The following UVRAG variants were observed in gnomAD, a reference collection of about 807,000 sequenced individuals.
The protein encoded by UVRAG is UV radiation resistance-associated gene protein.
In UVRAG, 19 loss-of-function variants were observed where a neutral mutation model predicts 78.0. The ratio of observed to expected loss-of-function variants is 0.24; its 90% CI spans 0.17 to 0.36. The LOEUF (loss-of-function observed/expected upper bound fraction) is 0.36. Ranked by LOEUF, UVRAG falls within the 10% of genes least tolerant of loss-of-function variation. UVRAG has a pLI of 1.00. For synonymous variants in UVRAG, 323 were observed against 324.6 expected, an observed-to-expected ratio of 1.00 and a Z score of 0.05; for missense variants, 740 against 853.8, an observed-to-expected ratio of 0.87 and a Z score of 1.66.
rs149316324 is a variant in UVRAG at position 75,864,614 on chromosome 11, C to T, written c.270+2834C>T. Among the ~76,000 whole-genome samples the T allele has an allele frequency of 4.8e-3, 735 of 152,304 alleles. 4 individuals carry two copies. The highest frequency in any genetic ancestry group is 0.016 in the African/African-American group (670 of 41,554). On this transcript the variant is annotated intron_variant, in intron 3 of 14. Transcript: ENST00000356136. ...TTGTGATATTTGCTGAATAGTTAGTCGTTTAAATGCTTTTGTATTTATTTG... is the reference window on the plus strand; with the variant it reads ...TTGTGATATTTGCTGAATAGTTAGTTGTTTAAATGCTTTTGTATTTATTTG...
chr11:75,847,285 G>A (rs1162809582), intron 1 of UVRAG, among the ~76,000 whole-genome samples: 3 of 151,560 alleles, frequency 2.0e-5, no homozygotes, highest in African/African-American at 7.3e-5. Context: ...GTGCCACCAC[G>A]CCTGGCTAAC....
chr11:75,953,247 C>G (rs1401130022), intron 6 of UVRAG, among the ~76,000 whole-genome samples: 3 of 152,172 alleles, frequency 2.0e-5, no homozygotes, highest in African/African-American at 7.2e-5. Flanking sequence ...TAACCTCACA[C>G]TAACCTTCCT....
intron 5 of UVRAG, among the ~76,000 whole-genome samples, chr11:75,900,150 T>C (rs1947458058): frequency 6.6e-6 from 1 of 152,210 alleles, no homozygotes; most frequent in Non-Finnish European, 1.5e-5. Context: ...AGTATGGTTC[T>C]TTATATAGAT....
intron 12 of UVRAG, among the ~76,000 whole-genome samples, chr11:76,053,378 T>G (rs1474499746): frequency 4.0e-5 from 6 of 150,052 alleles, no homozygotes; most frequent in African/African-American, 1.3e-4. Flanking sequence ...CTCCCGTGTT[T>G]CCCATCACAA....
chr11:76,141,076 C>A lies in UVRAG; in HGVS notation c.1763C>A (p.Ala588Asp). The stretch of plus-strand genomic sequence containing the variant: ...CACCCTAGCCAAGAACAAGGAGAAG[C>A]CCTCTCCGGGCACCGGGCCACAGTC... ...NVHPSQEQGEALSGHRATVNG... is the reference protein window; with the variant it reads ...NVHPSQEQGEDLSGHRATVNG... The change falls in exon 15 of 15, where the codon GCC (alanine) becomes GAC (aspartate). Residue 588 changes from alanine to aspartate, a missense_variant. Physicochemically the swap from Ala to Asp is moderately radical, Grantham distance 126. Coordinates refer to ENST00000356136, the MANE Select transcript of UVRAG (RefSeq NM_003369.4). The A allele has an allele frequency of 6.2e-7, 1 of 1,614,188 alleles. No individual in the cohort carries two copies. Among genetic ancestry groups the A allele is most frequent in the Non-Finnish European group, 8.5e-7 (1 of 1,180,040 alleles).
intron 13 of UVRAG, among the ~76,000 whole-genome samples, chr11:76,113,096 T>C (rs1262371605): frequency 6.6e-6 from 1 of 152,090 alleles, no homozygotes; most frequent in African/African-American, 2.4e-5. Flanking sequence ...ATGGCAGTTA[T>C]CACTTCCAGT....
chr11:75,966,526 AT>A (rs1325238314), intron 7 of UVRAG, among the ~76,000 whole-genome samples: 4 of 152,062 alleles, frequency 2.6e-5, no homozygotes, highest in African/African-American at 9.7e-5. Context: ...GAATATTTCA[AT>A]TTTTGTCGAC....
intron 13 of UVRAG, among the ~76,000 whole-genome samples, chr11:76,080,640 T>A (rs1409668404): frequency 2.6e-5 from 4 of 152,234 alleles, no homozygotes; most frequent in Non-Finnish European, 5.9e-5. Context: ...TATTCGTTAG[T>A]ACGTTCAAAT....
chr11:75,849,068 C>G (rs1441446751), intron 1 of UVRAG, among the ~76,000 whole-genome samples: 1 of 152,156 alleles, frequency 6.6e-6, no homozygotes, highest in Non-Finnish European at 1.5e-5. Context: ...GTCGCAGCTA[C>G]TTGGGAGCGT....
intron 6 of UVRAG, among the ~76,000 whole-genome samples, chr11:75,955,045 T>G (rs1317283795): frequency 6.6e-6 from 1 of 152,196 alleles, no homozygotes; most frequent in African/African-American, 2.4e-5. Context: ...GCCAGTAGTT[T>G]AGTATTGCTA....
At chr11:75,976,064 T>A (rs1229860721) in intron 7 of UVRAG, among the ~76,000 whole-genome samples, 2 of 152,074 alleles carry the variant, frequency 1.3e-5, no homozygotes, top group African/African-American at 4.8e-5. Context: ...TTATTGAGAG[T>A]TTTTAGCATG....
chr11:75,952,493 G>C (rs1180465900), intron 6 of UVRAG, among the ~76,000 whole-genome samples: 2 of 151,042 alleles, frequency 1.3e-5, no homozygotes, highest in African/African-American at 2.4e-5. Context: ...TTTATCAAAT[G>C]CTTCTTTTTT....
At chr11:76,012,994 A>G (rs536117053) in intron 11 of UVRAG, 25 of 152,242 alleles carry the variant, frequency 1.6e-4, no homozygotes, top group African/African-American at 4.8e-4. Flanking sequence ...GAATGATTCC[A>G]TAGATGCTGT....
At chr11:75,928,373 GAGA>G (rs1055230740) in intron 6 of UVRAG, among the ~76,000 whole-genome samples, 1 of 152,212 alleles carries the variant, frequency 6.6e-6, no homozygotes, top group African/African-American at 2.4e-5. Context: ...TAGAACAGAG[GAGA>G]AGGACGGCTA....
intron 13 of UVRAG, among the ~76,000 whole-genome samples, chr11:76,093,900 A>G (rs1951745822): frequency 6.6e-6 from 1 of 152,174 alleles, no homozygotes; most frequent in Admixed American, 6.5e-5. Context: ...ACTATATTGA[A>G]TAGGAGTGGT....
At chr11:75,938,539 C>T (rs1243747844) in intron 6 of UVRAG, among the ~76,000 whole-genome samples, 1 of 152,152 alleles carries the variant, frequency 6.6e-6, no homozygotes, top group Non-Finnish European at 1.5e-5. Context: ...TTTTACGCTT[C>T]CTCAGCCTGT....
intron 12 of UVRAG, among the ~76,000 whole-genome samples, chr11:76,021,465 C>CT (rs2135380577): frequency 6.6e-6 from 1 of 152,154 alleles, no homozygotes; most frequent in African/African-American, 2.4e-5. Context: ...AAAGAAAAGA[C>CT]TTGTGGTTTT....
At position 76,061,559 on chromosome 11, in the gene UVRAG, C is replaced by A. The variant is rs149307631; in HGVS notation, c.1227-4151C>A. Among the ~76,000 whole-genome samples, 633 of 151,670 alleles carry A rather than the reference C, an allele frequency of 4.2e-3. 4 individuals are homozygous for A. Among genetic ancestry groups the A allele is most frequent in the African/African-American group, 0.015 (610 of 41,298 alleles). ...TCTGCAGCTTCACTCCTGAAGCCAGCGAGACCACGAACCCACCGGGAGGAA... is the reference window on the plus strand; with the variant it reads ...TCTGCAGCTTCACTCCTGAAGCCAGAGAGACCACGAACCCACCGGGAGGAA... On this transcript the variant is annotated intron_variant, in intron 12 of 14. Coordinates refer to ENST00000356136, the MANE Select transcript of UVRAG (RefSeq NM_003369.4).
intron 9 of UVRAG, among the ~76,000 whole-genome samples, chr11:76,004,895 G>A (rs145640735): frequency 1.2e-3 from 180 of 152,252 alleles, no homozygotes; most frequent in African/African-American, 4.1e-3. Flanking sequence ...CCCAACATTC[G>A]TTTAACAAAT....
Sources: allele counts gnomAD v4.1 joint callset (sites outside exome capture counted in the v4.1 genomes callset), GRCh38; gene constraint gnomAD v4.1.1; transcripts MANE v1.5; gene names NCBI Gene and HGNC (gene_info 2026-07-23, HGNC 2026-07-21).